The following DMRT2 variants were observed in gnomAD, a reference collection of about 807,000 sequenced individuals.
The protein encoded by DMRT2 is doublesex- and mab-3-related transcription factor 2.
In DMRT2, 33 loss-of-function variants were observed where a neutral mutation model predicts 43.5. The observed-to-expected ratio is 0.76, with a 90% CI of 0.58 to 1.01. The LOEUF (loss-of-function observed/expected upper bound fraction) is 1.01, where lower values mean the gene tolerates loss of function less well. Among genes scored for constraint, DMRT2 ranks in the 50% least tolerant of loss-of-function variants. The pLI is 0.00. For synonymous variants in DMRT2, 395 were observed against 309.2 expected, an observed-to-expected ratio of 1.28 and a Z score of -2.91; for missense variants, 1,064 against 748.0, an observed-to-expected ratio of 1.42 and a Z score of -4.93.
Position 1,051,634 on chromosome 9 carries a change from C to G in DMRT2, c.21C>G (p.Gly7=), listed in dbSNP as rs751050764. The G allele has an allele frequency of 1.9e-6, 3 of 1,563,152 alleles. No individual in the cohort carries two copies. Among genetic ancestry groups the G allele is most frequent in the Admixed American group, 3.6e-5 (2 of 55,270 alleles). The stretch of plus-strand genomic sequence containing the variant: ...GCGCCATGGCCGACCCGCAGGCTGG[C>G]TCCGCGGCCGGGGACTGGGAGATCG... MADPQA[G]SAAGDWEIDV... Residue 7 remains glycine, a synonymous_variant, in exon 2 of 4, where the codon GGC becomes GGG. Transcript: ENST00000358146. The surrounding 1 kb of genome is among the most constrained non-coding windows in gnomAD (Gnocchi z 5.9).
At position 1,057,344 on chromosome 9, in the gene DMRT2, AAAGTT is replaced by A. The variant is rs1822079470; in HGVS notation, c.*75_*79del. The A allele has an allele frequency of 4.1e-6, 6 of 1,475,424 alleles. No individual in the cohort carries two copies. Among genetic ancestry groups the A allele is most frequent in the Non-Finnish European group, 1.8e-6 (2 of 1,109,044 alleles). The allele number at this position is 1,475,424 out of a possible 1,614,324, so 91.4% of individuals were successfully genotyped here. On this transcript the variant is annotated 3_prime_UTR_variant, in exon 4 of 4. Coordinates refer to ENST00000358146, the MANE Select transcript of DMRT2 (RefSeq NM_181872.6). ...TTATAGCCATTTGCTACTTTTTTTA[AAAGTT>A]AAGATGTTTGTGTAAAGAAATTTCT...
At position 1,052,113 on chromosome 9, in the gene DMRT2, C is replaced by T; in HGVS notation, c.500C>T (p.Ala167Val). The T allele has an allele frequency of 7.0e-7, 1 of 1,423,092 alleles. No individual in the cohort carries two copies. Among genetic ancestry groups the T allele is most frequent in the Non-Finnish European group, 9.1e-7 (1 of 1,094,454 alleles). The allele number at this position is 1,423,092 out of a possible 1,614,324, so 88.2% of individuals were successfully genotyped here. Residue 167 changes from alanine (A) to valine (V), a missense_variant, in exon 2 of 4, where the codon GCG (alanine) becomes GTG (valine). Ala to Val is a moderately conservative substitution (Grantham distance 64). Coordinates refer to ENST00000358146, the MANE Select transcript of DMRT2 (RefSeq NM_181872.6). Reference sequence around the variant, plus strand: ...CAGCGCGTCATGGCCGCCCAGGTGGCGCTCCGGAGGCAGCAGGCCACCGAG... The same window carrying T: ...CAGCGCGTCATGGCCGCCCAGGTGGTGCTCCGGAGGCAGCAGGCCACCGAG... ...ERQRVMAAQV[A>V]LRRQQATEDK...
intron 2 of DMRT2, 51 bp from the exon 3 acceptor site, chr9:1,053,671 C>G (rs751390405): frequency 6.7e-7 from 1 of 1,496,572 alleles, no homozygotes; most frequent in Non-Finnish European, 9.2e-7. Context: ...TCCCCCTTCT[C>G]GCCCCCATTT....
chr9:1,054,408 CTTTTTTTT>C (rs34422902), intron 3 of DMRT2, among the ~76,000 whole-genome samples: 1 of 138,150 alleles, frequency 7.2e-6, no homozygotes, highest in African/African-American at 2.6e-5. Context: ...TTTCATTGTA[CTTTTTTTT>C]TTTTTTTTGG....
chr9:1,050,981 G>T (rs7869989), intron 1 of DMRT2, among the ~76,000 whole-genome samples: 75,279 of 151,986 alleles, frequency 0.5, 19,539 homozygotes, highest in African/African-American at 0.64. Flanking sequence ...CTTATGGGAC[G>T]CTAATGACAA....
chr9:1,051,445 C>T lies in DMRT2; in HGVS notation c.-44-125C>T. 2 of 1,129,606 alleles carry T rather than the reference C, an allele frequency of 1.8e-6. No individual in the cohort carries two copies. The highest frequency in any genetic ancestry group is 2.3e-6 in the Non-Finnish European group (2 of 852,872). The allele number at this position is 1,129,606 out of a possible 1,614,324, so 70.0% of individuals were successfully genotyped here. On this transcript the variant is annotated intron_variant, in intron 1 of 3. Coordinates refer to ENST00000358146, the MANE Select transcript of DMRT2 (RefSeq NM_181872.6). The surrounding 1 kb of genome is among the most constrained non-coding windows in gnomAD (Gnocchi z 5.9). ...GCACGTGTGGCCTGGAAGTGAGGGACATGTAATGAGAACAGGATGACTCAA... is the reference window on the plus strand; with the variant it reads ...GCACGTGTGGCCTGGAAGTGAGGGATATGTAATGAGAACAGGATGACTCAA...
chr9:1,054,283 G>A (rs772684590), intron 3 of DMRT2, among the ~76,000 whole-genome samples: 30 of 152,170 alleles, frequency 2.0e-4, no homozygotes, highest in Non-Finnish European at 4.0e-4. Flanking sequence ...ACACAACCAC[G>A]TCCACTTTTC....
At chr9:1,052,652 G>C (rs1271462056) in intron 2 of DMRT2, among the ~76,000 whole-genome samples, 1 of 152,050 alleles carries the variant, frequency 6.6e-6, no homozygotes, top group Non-Finnish European at 1.5e-5. Flanking sequence ...AAATGCATGA[G>C]AAATTAGATG....
chr9:1,055,663 T>C, intron 3 of DMRT2: 8 of 1,423,632 alleles, frequency 5.6e-6, no homozygotes, highest in Non-Finnish European at 7.4e-6. Flanking sequence ...CTTAAGCCTT[T>C]TTTTTCTTTT....
At chr9:1,055,392 G>A (rs1237622921) in intron 3 of DMRT2, among the ~76,000 whole-genome samples, 6 of 152,122 alleles carry the variant, frequency 3.9e-5, no homozygotes, top group African/African-American at 9.7e-5. Flanking sequence ...CTATTCGTGC[G>A]ATGACTTAGC....
chr9:1,053,503 C>G (rs1821756807), intron 2 of DMRT2, among the ~76,000 whole-genome samples: 1 of 152,230 alleles, frequency 6.6e-6, no homozygotes, highest in Admixed American at 6.5e-5. Flanking sequence ...CTGCGGAAAG[C>G]AGGGGATCCA....
Position 1,056,843 on chromosome 9 carries a change from G to C in DMRT2, c.1256G>C (p.Gly419Ala). 6.2e-7 allele frequency: 1 copy of C among 1,614,112 alleles called. No individual in the cohort carries two copies. The highest frequency in any genetic ancestry group is 8.5e-7 in the Non-Finnish European group (1 of 1,180,038). The change falls in exon 4 of 4, where the codon GGT becomes GCT. Residue 419 changes from glycine (G) to alanine (A), a missense_variant. Transcript: ENST00000358146. ...EIQTTRSDLQ[G>A]HQAVPERSAF... Reference sequence around the variant, plus strand: ...CAGACCACGAGAAGTGACCTTCAGGGTCATCAGGCTGTCCCAGAGAGGTCC... The same window carrying C: ...CAGACCACGAGAAGTGACCTTCAGGCTCATCAGGCTGTCCCAGAGAGGTCC...
rs1015124645 is a variant in DMRT2, at chr9:1,057,366, G to T, written c.*93G>T. On this transcript the variant is annotated 3_prime_UTR_variant, in exon 4 of 4. Coordinates refer to ENST00000358146, the MANE Select transcript of DMRT2 (RefSeq NM_181872.6). ...TTAAAAGTTAAGATGTTTGTGTAAA[G>T]AAATTTCTAATGTAAAGATGATGAT... 7 of 1,389,300 alleles carry T rather than the reference G, an allele frequency of 5.0e-6. No individual in the cohort carries two copies. The highest frequency in any genetic ancestry group is 2.4e-5 in the East Asian group (1 of 42,256). 86.1% of individuals were successfully genotyped at this position (1,389,300 alleles called of 1,614,324 possible).
At chr9:1,055,021 T>C (rs1821873253) in intron 3 of DMRT2, among the ~76,000 whole-genome samples, 1 of 152,208 alleles carries the variant, frequency 6.6e-6, no homozygotes. Flanking sequence ...TGGTTTCTTA[T>C]GAATTAAAAA....
rs1049506467 is a variant in DMRT2, at chr9:1,051,111, G to A, written c.-45+336G>A. On this transcript the variant is annotated intron_variant, in intron 1 of 3. Transcript: ENST00000358146. This position sits in a 1 kb window ranked among gnomAD's most constrained non-coding sequence, Gnocchi z 5.9. ...AGAGGCATTTGGGAAGCATAGAGTG[G>A]TACTTCAGTGAGTCTGAAGGGCCAC... Among the ~76,000 whole-genome samples, 4 of 152,142 alleles carry A rather than the reference G, an allele frequency of 2.6e-5. No homozygotes were observed. The highest frequency in any genetic ancestry group is 4.4e-5 in the Non-Finnish European group (3 of 68,030).
chr9:1,053,674 C>T, intron 2 of DMRT2, 48 bp from the exon 3 acceptor site: 1 of 1,519,634 alleles, frequency 6.6e-7, no homozygotes, highest in Non-Finnish European at 9.0e-7. Context: ...CCCTTCTCGC[C>T]CCCATTTTCT....
chr9:1,051,671 C>G lies in DMRT2; in HGVS notation c.58C>G (p.Leu20Val). Residue 20 changes from leucine (L) to valine (V), a missense_variant, in exon 2 of 4, where the codon CTG becomes GTG. By Grantham distance (32) the Leu-to-Val change is conservative. Transcript: ENST00000358146. This position sits in a 1 kb window ranked among gnomAD's most constrained non-coding sequence, Gnocchi z 5.9. ...AGDWEIDVES[L>V]ELEEDVCGAP... ...GGACTGGGAGATCGATGTCGAGAGC[C>G]TGGAGCTGGAAGAGGACGTCTGCGG... 6 of 1,570,796 alleles carry G rather than the reference C, an allele frequency of 3.8e-6. No individual in the cohort carries two copies. The South Asian group carries it at 6.9e-5, about 18-fold the overall frequency.
chr9:1,056,590 T>C lies in DMRT2; in HGVS notation c.1003T>C (p.Tyr335His). ...CAGCGTGGCCACAACTTATAGACAG[T>C]ATCCCTTGTCCTCAAGATTTTTAGT... ...NVSVATTYRQ[Y>H]PLSSRFLVWP... The change falls in exon 4 of 4, where the codon TAT (tyrosine) becomes CAT (histidine). Residue 335 changes from tyrosine to histidine, a missense_variant. Coordinates refer to ENST00000358146, the MANE Select transcript of DMRT2 (RefSeq NM_181872.6). 1 of 1,614,210 alleles carries C rather than the reference T, an allele frequency of 6.2e-7. No homozygotes were observed. Among genetic ancestry groups the C allele is most frequent in the Non-Finnish European group, 8.5e-7 (1 of 1,180,042 alleles).
chr9:1,051,447 T>G lies in DMRT2; in HGVS notation c.-44-123T>G. 1 of 1,153,012 alleles carries G rather than the reference T, an allele frequency of 8.7e-7. No homozygotes were observed. The allele number at this position is 1,153,012 out of a possible 1,614,324, so 71.4% of individuals were successfully genotyped here. A position where few individuals can be genotyped will look rare whatever the true frequency, so the allele number is the denominator to read the frequency against. On this transcript the variant is annotated intron_variant, in intron 1 of 3. Coordinates refer to ENST00000358146, the MANE Select transcript of DMRT2 (RefSeq NM_181872.6). The surrounding 1 kb of genome is among the most constrained non-coding windows in gnomAD (Gnocchi z 5.9). ...ACGTGTGGCCTGGAAGTGAGGGACA[T>G]GTAATGAGAACAGGATGACTCAAGC...
Sources: allele counts gnomAD v4.1 joint callset (sites outside exome capture counted in the v4.1 genomes callset), GRCh38; gene constraint gnomAD v4.1.1; non-coding constraint Gnocchi (gnomAD v3.1); transcripts MANE v1.5; gene names NCBI Gene and HGNC (gene_info 2026-07-23, HGNC 2026-07-21).